The following ADTRP variants were observed in gnomAD, a reference collection of about 807,000 sequenced individuals.
The protein encoded by ADTRP is androgen-dependent TFPI-regulating protein.
A neutral mutation model predicts 27.0 loss-of-function variants in ADTRP; 20 were observed. That is an observed-to-expected ratio of 0.74 (90% CI 0.52 to 1.08). The LOEUF is 1.08. ADTRP is among the 50% of genes least tolerant of loss of function. ADTRP has a pLI of 0.00. For missense variants in ADTRP, 251 were observed against 275.0 expected (o/e 0.91, Z 0.62); for synonymous variants, 101 against 105.2 (o/e 0.96, Z 0.25).
At chr6:11,741,437 G>A (rs893599065) in intron 3 of ADTRP, among the ~76,000 whole-genome samples, 1 of 152,176 alleles carries the variant, frequency 6.6e-6, no homozygotes, top group African/African-American at 2.4e-5. Flanking sequence ...TACTGATCTG[G>A]AAAGAGAAAT....
intron 3 of ADTRP, chr6:11,755,201 A>T (rs1386140193): frequency 2.5e-6 from 1 of 406,110 alleles, no homozygotes; most frequent in South Asian, 1.0e-4. Context: ...TTCTCAGAAG[A>T]CATCTATACT....
intron 5 of ADTRP, among the ~76,000 whole-genome samples, chr6:11,716,478 C>T (rs2113865310): frequency 1.3e-5 from 2 of 152,180 alleles, no homozygotes; most frequent in Non-Finnish European, 2.9e-5. Flanking sequence ...GCCCACATAC[C>T]CATCCACATG....
intron 3 of ADTRP, among the ~76,000 whole-genome samples, chr6:11,763,244 A>G (rs918848379): frequency 6.6e-6 from 1 of 152,248 alleles, no homozygotes; most frequent in Non-Finnish European, 1.5e-5. Context: ...AGCTGGGAGC[A>G]GTCCAAAGAC....
Position 11,723,394 on chromosome 6 carries a change from C to A in ADTRP, c.613G>T (p.Ala205Ser). ...AFFSLSYVFI[A>S]SIYLLGEKLN... ...TTCTCTCCAAGTAGGTAGATGCTGG[C>A]GATGAAGACGTAGCTGAGAGAGAAG... The change falls in exon 5 of 6, where the codon GCC becomes TCC. Residue 205 changes from alanine (A) to serine (S), a missense_variant. Transcript: ENST00000414691. 2 of 1,613,950 alleles carry A rather than the reference C, an allele frequency of 1.2e-6. No homozygotes were observed. Among genetic ancestry groups the A allele is most frequent in the Non-Finnish European group, 1.7e-6 (2 of 1,180,004 alleles).
At chr6:11,770,011 T>A in intron 1 of ADTRP, 1 of 1,551,586 alleles carries the variant, frequency 6.4e-7, no homozygotes, top group Middle Eastern at 1.7e-4. Flanking sequence ...CACCACCATT[T>A]TACAAACGAG....
intron 3 of ADTRP, among the ~76,000 whole-genome samples, chr6:11,742,908 CT>C (rs1762762475): frequency 6.6e-6 from 1 of 152,280 alleles, no homozygotes; most frequent in East Asian, 1.9e-4. Flanking sequence ...GGATTTTATT[CT>C]TTGTTTAAAG....
intron 4 of ADTRP, among the ~76,000 whole-genome samples, chr6:11,724,198 T>C (rs1016802825): frequency 3.9e-5 from 6 of 152,252 alleles, no homozygotes; most frequent in Non-Finnish European, 5.9e-5. Flanking sequence ...TATTATGGCA[T>C]TGATTTTGCT....
chr6:11,743,062 G>T (rs1039815698), intron 3 of ADTRP, among the ~76,000 whole-genome samples: 4 of 152,184 alleles, frequency 2.6e-5, no homozygotes, highest in South Asian at 2.1e-4. Flanking sequence ...TTCTGTATTT[G>T]CAAGGCTGTG....
chr6:11,718,703 A>T (rs1035216004), intron 5 of ADTRP, among the ~76,000 whole-genome samples: 1 of 152,222 alleles, frequency 6.6e-6, no homozygotes, highest in African/African-American at 2.4e-5. Flanking sequence ...TTGGGGGATG[A>T]CTGGTCCCAG....
chr6:11,770,872 A>C (rs1283120844), intron 1 of ADTRP, among the ~76,000 whole-genome samples: 6 of 152,160 alleles, frequency 3.9e-5, no homozygotes. Context: ...AGTTAGGAAG[A>C]GCAGGCACAG....
chr6:11,761,229 C>A (rs1763381426), intron 3 of ADTRP, among the ~76,000 whole-genome samples: 1 of 152,184 alleles, frequency 6.6e-6, no homozygotes, highest in Admixed American at 6.5e-5. Context: ...TCCCTGTACG[C>A]TATTAAACCT....
At chr6:11,768,496 T>G in intron 1 of ADTRP, 113 bp from the exon 2 acceptor site, 1 of 1,391,676 alleles carries the variant, frequency 7.2e-7, no homozygotes, top group Non-Finnish European at 9.8e-7. Context: ...GGGAGAGGGC[T>G]GTTGGGTTGT....
intron 5 of ADTRP, among the ~76,000 whole-genome samples, chr6:11,715,065 T>C (rs1761768741): frequency 6.6e-6 from 1 of 152,236 alleles, no homozygotes; most frequent in South Asian, 2.1e-4. Context: ...ATGACTTCTA[T>C]TCAGCCAACA....
chr6:11,745,679 T>C (rs959494927), intron 3 of ADTRP, among the ~76,000 whole-genome samples: 2 of 151,404 alleles, frequency 1.3e-5, no homozygotes, highest in Non-Finnish European at 2.9e-5. Flanking sequence ...TCTCAGAATG[T>C]GCCACTAAAT....
intron 3 of ADTRP, among the ~76,000 whole-genome samples, chr6:11,753,570 G>A (rs1299091450): frequency 6.6e-6 from 1 of 152,154 alleles, no homozygotes. Flanking sequence ...CATTAGGTTA[G>A]TGAAGTATTA....
At chr6:11,773,504 T>C (rs1410530782) in intron 1 of ADTRP, among the ~76,000 whole-genome samples, 1 of 152,180 alleles carries the variant, frequency 6.6e-6, no homozygotes, top group Non-Finnish European at 1.5e-5. Flanking sequence ...AGTGCAGCAT[T>C]TGCACCCCAT....
At position 11,721,363 on chromosome 6, in the gene ADTRP, G is replaced by T. The variant is rs115640075; in HGVS notation, c.658+1986C>A. Among the ~76,000 whole-genome samples, 343 of 152,346 alleles carry T rather than the reference G, an allele frequency of 2.3e-3. 3 individuals are homozygous for T. Among genetic ancestry groups the T allele is most frequent in the African/African-American group, 8.0e-3 (332 of 41,576 alleles). On this transcript the variant is annotated intron_variant, in intron 5 of 5. Coordinates refer to ENST00000414691, the MANE Select transcript of ADTRP (RefSeq NM_032744.4). ...GAGGCCCTTGTGTGTCATTCCAAGG[G>T]TGTGGACTTTCTTCAGTCAATTGGG...
intron 4 of ADTRP, among the ~76,000 whole-genome samples, chr6:11,730,824 G>A (rs1762358223): frequency 1.3e-5 from 2 of 152,232 alleles, no homozygotes; most frequent in Admixed American, 1.3e-4. Flanking sequence ...CACTAGCAGG[G>A]ACACCTGCAG....
chr6:11,769,996 C>T lies in ADTRP; in HGVS notation c.154-1613G>A, dbSNP rs1410782696. On this transcript the variant is annotated intron_variant, in intron 1 of 5. Transcript: ENST00000414691. ...AGCCAAGTCCTATCATTAGACTCCC[C>T]CGCCCACCACCATTTTACAAACGAG... The T allele has an allele frequency of 7.7e-6, 12 of 1,550,838 alleles. 2 individuals are homozygous for T. The Admixed American group carries it at 2.2e-4, about 28-fold the overall frequency.
Sources: gnomAD v4.1 joint callset for allele counts (sites outside exome capture counted in the v4.1 genomes callset) on GRCh38, gnomAD v4.1.1 for gene constraint, MANE v1.5 for transcripts, NCBI Gene and HGNC (gene_info 2026-07-23, HGNC 2026-07-21) for gene names.